PTPRD: variants seen among roughly 807,000 people sequenced by gnomAD.
The protein encoded by PTPRD is receptor-type tyrosine-protein phosphatase delta.
PTPRD carries 34 observed loss-of-function variants against 214.5 expected under a neutral mutation model. The observed-to-expected ratio is 0.16, with a 90% CI of 0.12 to 0.21. PTPRD has a LOEUF of 0.21. PTPRD is among the 10% of genes least tolerant of loss of function. PTPRD has a pLI of 1.00. For synonymous variants in PTPRD, 1,128 were observed against 845.7 expected (o/e 1.33, Z -5.79); for missense variants, 2,545 against 2,398.7 (o/e 1.06, Z -1.27).
At chr9:8,503,046 G>A (rs958844280) in intron 23 of PTPRD, among the ~76,000 whole-genome samples, 12 of 151,882 alleles carry the variant, frequency 7.9e-5, no homozygotes, top group South Asian at 2.1e-4. Flanking sequence ...ACATGCTTAC[G>A]CCTTTAAATG....
At chr9:10,448,981 A>T (rs1233458400) in intron 2 of PTPRD, among the ~76,000 whole-genome samples, 1 of 152,046 alleles carries the variant, frequency 6.6e-6, no homozygotes, top group Non-Finnish European at 1.5e-5. Flanking sequence ...CTTTGAACTT[A>T]AGACAAAACC....
intron 3 of PTPRD, among the ~76,000 whole-genome samples, chr9:10,242,036 A>C (rs1323524098): frequency 6.6e-6 from 1 of 151,998 alleles, no homozygotes; most frequent in East Asian, 1.9e-4. Context: ...AGGCTAAAGA[A>C]ACTCAGACAA....
intron 9 of PTPRD, among the ~76,000 whole-genome samples, chr9:9,193,870 G>GT (rs1269570937): frequency 1.3e-5 from 2 of 151,950 alleles, no homozygotes; most frequent in African/African-American, 4.8e-5. Flanking sequence ...ATTTTAAAAT[G>GT]TTTTTTCTCA....
chr9:8,536,842 G>A (rs998489268), intron 14 of PTPRD, among the ~76,000 whole-genome samples: 13 of 151,992 alleles, frequency 8.6e-5, no homozygotes, highest in African/African-American at 2.9e-4. Context: ...GCTTTATCTG[G>A]ACAGGGAGAC....
intron 14 of PTPRD, among the ~76,000 whole-genome samples, chr9:8,539,699 T>C (rs1321881530): frequency 2.0e-5 from 3 of 152,036 alleles, no homozygotes; most frequent in African/African-American, 4.8e-5. Context: ...TGACCACCAG[T>C]AAACATCAGC....
rs575102279 is a variant in PTPRD, at chr9:10,242,931, G to A, written c.-545+98032C>T. Reference sequence around the variant, plus strand: ...GAGAAAAAGGAAGGGAAGAGAGGGAGGGAGGGAGGGAGAGAGAGAGAGAGA... The same window carrying A: ...GAGAAAAAGGAAGGGAAGAGAGGGAAGGAGGGAGGGAGAGAGAGAGAGAGA... On this transcript the variant is annotated intron_variant, in intron 3 of 45. Transcript: ENST00000381196. Among the ~76,000 whole-genome samples the A allele has an allele frequency of 8.8e-4, 134 of 151,714 alleles. No individual in the cohort carries two copies. In the South Asian group the frequency reaches 0.028, roughly 31 times the overall value.
intron 44 of PTPRD, among the ~76,000 whole-genome samples, chr9:8,330,578 C>CAAATGTACATAGATAAAGG (rs1554697048): frequency 4.1e-5 from 6 of 147,728 alleles, no homozygotes; most frequent in Non-Finnish European, 7.4e-5. Context: ...AAGTAGAAAG[C>CAAATGTACATAGATAAAGG]AAATGTACAT....
At chr9:9,588,022 G>C (rs1386504847) in intron 7 of PTPRD, among the ~76,000 whole-genome samples, 1 of 151,906 alleles carries the variant, frequency 6.6e-6, no homozygotes, top group Non-Finnish European at 1.5e-5. Flanking sequence ...CCAACACATA[G>C]AAATAATACA....
chr9:10,476,081 T>A (rs1454653773), intron 2 of PTPRD, among the ~76,000 whole-genome samples: 1 of 151,864 alleles, frequency 6.6e-6, no homozygotes, highest in African/African-American at 2.4e-5. Context: ...ACAAAACAAG[T>A]TATGCCCCCT....
chr9:9,913,686 C>A (rs946771690), intron 5 of PTPRD, among the ~76,000 whole-genome samples: 1 of 152,120 alleles, frequency 6.6e-6, no homozygotes, highest in African/African-American at 2.4e-5. Context: ...ACCCCACAAG[C>A]CCCATTGCCT....
intron 7 of PTPRD, among the ~76,000 whole-genome samples, chr9:9,581,230 T>C (rs1308130432): frequency 1.3e-5 from 2 of 152,146 alleles, no homozygotes; most frequent in South Asian, 2.1e-4. Flanking sequence ...CATTAAATGC[T>C]AAATTGAACT....
At position 8,485,336 on chromosome 9, in the gene PTPRD, G is replaced by A; in HGVS notation, c.3056-12C>T. 1 of 1,591,276 alleles carries A rather than the reference G, an allele frequency of 6.3e-7. No homozygotes were observed. Among genetic ancestry groups the A allele is most frequent in the Non-Finnish European group, 8.6e-7 (1 of 1,159,716 alleles). ...ATTTTTTGCAAACACTGCTGGAAAA[G>A]GAAAAACAGTGTATTTAAACTATTC... On this transcript the variant is annotated splice_polypyrimidine_tract_variant and intron_variant, in intron 28 of 45. Transcript: ENST00000381196.
chr9:9,069,869 G>C (rs1368670041), intron 10 of PTPRD, among the ~76,000 whole-genome samples: 1 of 152,160 alleles, frequency 6.6e-6, no homozygotes, highest in Non-Finnish European at 1.5e-5. Context: ...GAATCATCTA[G>C]CTATTGTGTA....
chr9:10,018,570 C>T (rs1344632191), intron 4 of PTPRD, among the ~76,000 whole-genome samples: 530 of 32,068 alleles, frequency 0.017, 4 homozygotes, highest in African/African-American at 0.028. Flanking sequence ...TTTTTTGAGA[C>T]GGAGTCTCGC....
chr9:10,447,403 T>A (rs981782834), intron 2 of PTPRD, among the ~76,000 whole-genome samples: 1 of 151,982 alleles, frequency 6.6e-6, no homozygotes, highest in Non-Finnish European at 1.5e-5. Flanking sequence ...CTACTGTTAA[T>A]ATTCTCAGCT....
At chr9:9,684,158 G>A (rs553689212) in intron 7 of PTPRD, among the ~76,000 whole-genome samples, 2 of 151,484 alleles carry the variant, frequency 1.3e-5, no homozygotes, top group Non-Finnish European at 3.0e-5. Context: ...TATTAGACAT[G>A]CTTGGTTAAA....
intron 5 of PTPRD, among the ~76,000 whole-genome samples, chr9:9,840,918 G>T (rs527677485): frequency 6.6e-6 from 1 of 152,082 alleles, no homozygotes; most frequent in East Asian, 1.9e-4. Context: ...GCAGATCCTG[G>T]GATCTGTACT....
chr9:10,416,385 A>G (rs1288871843), intron 2 of PTPRD, among the ~76,000 whole-genome samples: 1 of 151,870 alleles, frequency 6.6e-6, no homozygotes, highest in East Asian at 2.0e-4. Context: ...CACAAAAGCA[A>G]CAGACAAACA....
At chr9:10,607,050 G>A (rs1205341164) in intron 2 of PTPRD, among the ~76,000 whole-genome samples, 1 of 151,802 alleles carries the variant, frequency 6.6e-6, no homozygotes, top group Admixed American at 6.6e-5. Flanking sequence ...AGGCATCCCA[G>A]TAGAAAAGAC....
Sources: allele counts gnomAD v4.1 joint callset (sites outside exome capture counted in the v4.1 genomes callset), GRCh38; gene constraint gnomAD v4.1.1; transcripts MANE v1.5; gene names NCBI Gene and HGNC (gene_info 2026-07-23, HGNC 2026-07-21).